The following ATAD2B variants were observed in gnomAD, a reference collection of about 807,000 sequenced individuals.
The protein encoded by ATAD2B is ATPase family AAA domain-containing protein 2B.
ATAD2B carries 40 observed loss-of-function variants against 167.6 expected under a neutral mutation model. The ratio of observed to expected loss-of-function variants is 0.24; its 90% CI spans 0.19 to 0.31. ATAD2B has a LOEUF of 0.31. Ranked by LOEUF, ATAD2B falls within the 10% of genes least tolerant of loss-of-function variation. The probability of loss-of-function intolerance (pLI) is 1.00; values close to 1 mark genes in which losing one functional copy is unlikely to be tolerated. For missense variants in ATAD2B, 1,242 were observed against 1,757.2 expected (o/e 0.71, Z 5.24); for synonymous variants, 579 against 596.5 (o/e 0.97, Z 0.43).
At chr2:23,729,240 C>T in the ATAD2B span, among the ~76,000 whole-genome samples, 1 of 152,304 alleles carries the variant, frequency 6.6e-6, no homozygotes, top group East Asian at 1.9e-4. Context: ...TTGTGGGAGG[C>T]TATTGTTTTG....
chr2:23,924,767 A>C lies in ATAD2B; in HGVS notation c.216+1788T>G, dbSNP rs866950249. Among the ~76,000 whole-genome samples the C allele has an allele frequency of 1.1e-4, 16 of 152,332 alleles. No homozygotes were observed. The Middle Eastern group carries it at 0.01, about 97-fold the overall frequency. ...TAGTACCCTTCTACAAAGAGCTCTC[A>C]TATCTTTCATTCTTTTAGCAATTTA... On this transcript the variant is annotated intron_variant, in intron 1 of 27. Transcript: ENST00000238789.
At chr2:23,784,048 C>A (rs1047157316) in intron 21 of ATAD2B, among the ~76,000 whole-genome samples, 12 of 151,954 alleles carry the variant, frequency 7.9e-5, no homozygotes, top group Non-Finnish European at 8.8e-5. Flanking sequence ...ACTGAAAAAC[C>A]AGTCAATCTC....
chr2:23,795,462 T>C (rs989425665), intron 19 of ATAD2B, among the ~76,000 whole-genome samples: 5 of 152,294 alleles, frequency 3.3e-5, no homozygotes, highest in Admixed American at 1.3e-4. Flanking sequence ...ATTTCTTCCA[T>C]AGATCTGGCA....
At chr2:23,888,470 C>G in intron 2 of ATAD2B, 71 bp from the exon 3 acceptor site, 2 of 942,024 alleles carry the variant, frequency 2.1e-6, no homozygotes, top group Non-Finnish European at 1.5e-6. Flanking sequence ...TGAAATACTG[C>G]TGGAATTATT....
the ATAD2B span, among the ~76,000 whole-genome samples, chr2:23,734,883 C>T: frequency 2.0e-5 from 3 of 152,098 alleles, no homozygotes; most frequent in Non-Finnish European, 4.4e-5. Flanking sequence ...CTTAATTTTT[C>T]TTAATATGTC....
intron 13 of ATAD2B, among the ~76,000 whole-genome samples, chr2:23,841,073 C>G (rs1401088581): frequency 6.6e-6 from 1 of 150,716 alleles, no homozygotes; most frequent in East Asian, 1.9e-4. Flanking sequence ...AGTGACAGGA[C>G]AGGCATGCAC....
chr2:23,703,418 G>A, the ATAD2B span: 168 of 1,410,044 alleles, frequency 1.2e-4, no homozygotes, highest in Admixed American at 1.6e-4. Context: ...GGCCAGGGTC[G>A]CATCCCTGCC....
chr2:23,894,342 G>A (rs371405992), intron 2 of ATAD2B, among the ~76,000 whole-genome samples: 2 of 151,940 alleles, frequency 1.3e-5, no homozygotes, highest in Admixed American at 6.6e-5. Flanking sequence ...TTAGCTGGGC[G>A]TGGTGGCGCA....
Position 23,798,266 on chromosome 2 carries a change from C to T in ATAD2B, c.2512G>A (p.Asp838Asn), listed in dbSNP as rs2149460872. The T allele has an allele frequency of 6.2e-7, 1 of 1,613,076 alleles. No individual in the cohort carries two copies. The highest frequency in any genetic ancestry group is 1.1e-5 in the South Asian group (1 of 90,986). ...GTTTCACTGACAGCTTCCCACCAAT[C>T]CCCAATGTGAGGCATGTAAACAATA... ...PSIVYMPHIG[D>N]WWEAVSETVR... Residue 838 changes from aspartate (D) to asparagine (N), a missense_variant, in exon 19 of 28, where the codon GAT (aspartate) becomes AAT (asparagine). By Grantham distance (23) the Asp-to-Asn change is conservative (BLOSUM62 1). Transcript: ENST00000238789.
At chr2:23,696,598 C>A in the ATAD2B span, 1,075 of 1,093,342 alleles carry the variant, frequency 9.8e-4, 7 homozygotes, top group East Asian at 3.7e-4. This position sits in a 1 kb window ranked among gnomAD's most constrained non-coding sequence, Gnocchi z 5.5. Context: ...TCCCAACACC[C>A]ACTCAGTGGC....
At chr2:23,795,910 C>G (rs549727147) in intron 19 of ATAD2B, among the ~76,000 whole-genome samples, 2 of 151,362 alleles carry the variant, frequency 1.3e-5, no homozygotes, top group East Asian at 3.9e-4. Flanking sequence ...AAAAAGAAAG[C>G]AAGCATTCTA....
chr2:23,745,318 C>A (rs1400601759), downstream of ATAD2B, among the ~76,000 whole-genome samples: 8 of 142,602 alleles, frequency 5.6e-5, no homozygotes, highest in African/African-American at 7.8e-5. Flanking sequence ...AGAAAGAAAG[C>A]AAGCGAGAAA....
intron 10 of ATAD2B, 76 bp downstream of exon 10, chr2:23,867,759 C>A: frequency 7.9e-6 from 8 of 1,015,192 alleles, no homozygotes; most frequent in Non-Finnish European, 1.2e-5. Context: ...TCTAGTTCTA[C>A]TATGTGCTGC....
intron 14 of ATAD2B, among the ~76,000 whole-genome samples, chr2:23,833,662 G>A (rs1373652309): frequency 2.0e-5 from 3 of 152,120 alleles, no homozygotes; most frequent in Non-Finnish European, 4.4e-5. Context: ...CTACAATCTG[G>A]AGAACTAAAG....
the ATAD2B span, among the ~76,000 whole-genome samples, chr2:23,722,697 A>T: frequency 6.6e-6 from 1 of 152,208 alleles, no homozygotes; most frequent in Non-Finnish European, 1.5e-5. Context: ...TCTTGGGAGA[A>T]TGATGGACAT....
At chr2:23,842,803 T>C (rs1042818605) in intron 13 of ATAD2B, among the ~76,000 whole-genome samples, 1 of 152,124 alleles carries the variant, frequency 6.6e-6, no homozygotes, top group Non-Finnish European at 1.5e-5. Context: ...GACAAAAGGT[T>C]TGAAAGGAGA....
chr2:23,803,705 T>C (rs746635657), intron 18 of ATAD2B, among the ~76,000 whole-genome samples: 1 of 152,248 alleles, frequency 6.6e-6, no homozygotes, highest in Non-Finnish European at 1.5e-5. Flanking sequence ...TTCTGTCATG[T>C]ATATTCTTGT....
intron 12 of ATAD2B, 140 bp from the exon 13 acceptor site, chr2:23,857,643 C>A (rs1436930006): frequency 1.5e-5 from 6 of 396,896 alleles, no homozygotes; most frequent in Non-Finnish European, 2.7e-5. Context: ...GGAAATCTTA[C>A]CACCCAGTTT....
At chr2:23,703,213 G>A in the ATAD2B span, 2 of 1,467,350 alleles carry the variant, frequency 1.4e-6, no homozygotes, top group Non-Finnish European at 1.8e-6. Flanking sequence ...ACCAATGGGA[G>A]GCGGTGGCCC....
Sources: allele counts gnomAD v4.1 joint callset (sites outside exome capture counted in the v4.1 genomes callset), GRCh38; gene constraint gnomAD v4.1.1; non-coding constraint Gnocchi (gnomAD v3.1); transcripts MANE v1.5; gene names NCBI Gene and HGNC (gene_info 2026-07-23, HGNC 2026-07-21).